SLC6A11: variants seen among roughly 807,000 people sequenced by gnomAD.
SLC6A11 encodes the protein solute carrier family 6 member 11, also known as sodium- and chloride-dependent GABA transporter 3.
A neutral mutation model predicts 74.8 loss-of-function variants in SLC6A11; 25 were observed. That is an observed-to-expected ratio of 0.33 (90% CI 0.24 to 0.47). The LOEUF (loss-of-function observed/expected upper bound fraction) is 0.47, where lower values mean the gene tolerates loss of function less well. Ranked by LOEUF, SLC6A11 falls within the 20% of genes least tolerant of loss-of-function variation. The pLI is 1.00. For synonymous variants in SLC6A11, 330 were observed against 330.2 expected, an observed-to-expected ratio of 1.00 and a Z score of 0.01; for missense variants, 574 against 837.0, an observed-to-expected ratio of 0.69 and a Z score of 3.88.
chr3:10,924,349 A>G (rs1234311609), intron 8 of SLC6A11, among the ~76,000 whole-genome samples: 1 of 152,224 alleles, frequency 6.6e-6, no homozygotes, highest in Non-Finnish European at 1.5e-5. Context: ...AAAAATAATT[A>G]GAGGGAAGAA....
At chr3:10,843,967 G>T (rs1010594649) in intron 4 of SLC6A11, among the ~76,000 whole-genome samples, 1 of 152,190 alleles carries the variant, frequency 6.6e-6, no homozygotes, top group African/African-American at 2.4e-5. Flanking sequence ...CCCTTTCCAC[G>T]CTGTTCTTGT....
At chr3:10,903,778 G>C (rs1022219639) in intron 6 of SLC6A11, among the ~76,000 whole-genome samples, 6 of 152,192 alleles carry the variant, frequency 3.9e-5, no homozygotes, top group Non-Finnish European at 7.3e-5. Context: ...CAAGAGCCAG[G>C]ACGGTACTGA....
At chr3:10,851,335 T>C (rs551111075) in intron 5 of SLC6A11, among the ~76,000 whole-genome samples, 1 of 151,748 alleles carries the variant, frequency 6.6e-6, no homozygotes, top group South Asian at 2.1e-4. Flanking sequence ...TTAAGAAGAA[T>C]CATGCCTTTT....
At chr3:10,900,834 G>A (rs1314743347) in intron 6 of SLC6A11, among the ~76,000 whole-genome samples, 1 of 152,136 alleles carries the variant, frequency 6.6e-6, no homozygotes, top group Non-Finnish European at 1.5e-5. Context: ...TGGGATGTGG[G>A]TTCTGCAGCC....
chr3:10,938,520 T>C lies in SLC6A11; in HGVS notation c.*118T>C. 1.8e-6 allele frequency: 2 copies of C among 1,112,298 alleles called. No individual in the cohort carries two copies. The highest frequency in any genetic ancestry group is 2.5e-6 in the Non-Finnish European group (2 of 796,360). The allele number at this position is 1,112,298 out of a possible 1,614,324, so 68.9% of individuals were successfully genotyped here. Reference sequence around the variant, plus strand: ...CTTGCTTGTTTTGCACAGGATTAATTAACAAGTTAATTTTAAGGTGGCCAC... The same window carrying C: ...CTTGCTTGTTTTGCACAGGATTAATCAACAAGTTAATTTTAAGGTGGCCAC... On this transcript the variant is annotated 3_prime_UTR_variant, in exon 14 of 14. Coordinates refer to ENST00000254488, the MANE Select transcript of SLC6A11 (RefSeq NM_014229.3).
intron 5 of SLC6A11, 150 bp downstream of exon 5, chr3:10,844,496 C>A: frequency 1.1e-6 from 1 of 890,620 alleles, no homozygotes; most frequent in Non-Finnish European, 1.8e-6. Flanking sequence ...GCTCTACCCA[C>A]CCTCACCACT....
chr3:10,824,930 T>C (rs1694187230), intron 4 of SLC6A11: 1 of 152,232 alleles, frequency 6.6e-6, no homozygotes, highest in Non-Finnish European at 1.5e-5. Context: ...ACACCTGTAA[T>C]TCCAGCACTT....
rs564799595 is a variant in SLC6A11 at position 10,869,405 on chromosome 3, A to G, written c.757-5556A>G. Among the ~76,000 whole-genome samples the G allele has an allele frequency of 3.3e-5, 5 of 152,354 alleles. No homozygotes were observed. The East Asian group carries it at 7.7e-4, about 24-fold the overall frequency. On this transcript the variant is annotated intron_variant, in intron 5 of 13. Coordinates refer to ENST00000254488, the MANE Select transcript of SLC6A11 (RefSeq NM_014229.3). ...TCTGAGCCTCGTCTTCCAGACCTTT[A>G]AGATAGAAAGGACAATGAGTTCTCA...
At chr3:10,931,288 A>G (rs1266506138) in intron 10 of SLC6A11, among the ~76,000 whole-genome samples, 1 of 152,222 alleles carries the variant, frequency 6.6e-6, no homozygotes, top group Non-Finnish European at 1.5e-5. Context: ...CAACTGGATT[A>G]AGACACAGGA....
At chr3:10,874,470 C>T (rs1018380752) in intron 5 of SLC6A11, among the ~76,000 whole-genome samples, 3 of 152,110 alleles carry the variant, frequency 2.0e-5, no homozygotes, top group Non-Finnish European at 4.4e-5. Flanking sequence ...CCCTCTGTGG[C>T]CCACTCCTAT....
intron 4 of SLC6A11, among the ~76,000 whole-genome samples, chr3:10,837,278 G>A (rs1694379388): frequency 4.6e-5 from 7 of 152,230 alleles, no homozygotes; most frequent in Admixed American, 3.9e-4. Flanking sequence ...GGAGACTGGT[G>A]TGTGGCCAAA....
At chr3:10,904,872 C>T (rs1194547781) in intron 6 of SLC6A11, among the ~76,000 whole-genome samples, 2 of 152,138 alleles carry the variant, frequency 1.3e-5, no homozygotes, top group African/African-American at 4.8e-5. Context: ...CCTATTTCCA[C>T]TTCTGAAAAA....
intron 6 of SLC6A11, among the ~76,000 whole-genome samples, chr3:10,902,913 T>G (rs1695258345): frequency 6.6e-6 from 1 of 152,222 alleles, no homozygotes; most frequent in Admixed American, 6.5e-5. Flanking sequence ...GGTGTTAGTT[T>G]ATTCATCTAT....
At chr3:10,845,363 T>C (rs1410667847) in intron 5 of SLC6A11, among the ~76,000 whole-genome samples, 2 of 152,132 alleles carry the variant, frequency 1.3e-5, no homozygotes, top group Non-Finnish European at 2.9e-5. Flanking sequence ...AATGGTTTCC[T>C]CATTTTGCTG....
chr3:10,899,926 G>T (rs1695218881), intron 6 of SLC6A11, among the ~76,000 whole-genome samples: 1 of 152,202 alleles, frequency 6.6e-6, no homozygotes. Flanking sequence ...TAAAGCCTGG[G>T]ATGGCTGGGC....
In SLC6A11 at chr3:10,938,870, C is replaced by T. The variant is rs1042383552; in HGVS notation, c.*468C>T. On this transcript the variant is annotated 3_prime_UTR_variant, in exon 14 of 14. Transcript: ENST00000254488. ...AATTTTTCCTTCAAACCTTCCCTTT[C>T]CAAGGGACACTGGGTTTGCAGACAG... The T allele has an allele frequency of 1.3e-5, 2 of 152,462 alleles. No individual in the cohort carries two copies. Among genetic ancestry groups the T allele is most frequent in the Non-Finnish European group, 2.9e-5 (2 of 68,254 alleles). 9.4% of individuals were successfully genotyped at this position (152,462 alleles called of 1,614,324 possible). A position where few individuals can be genotyped will look rare whatever the true frequency, so the allele number is the denominator to read the frequency against.
At position 10,938,264 on chromosome 3, in the gene SLC6A11, G is replaced by C. The variant is rs749038910; in HGVS notation, c.1761G>C (p.Leu587Phe). The C allele has an allele frequency of 6.3e-7, 1 of 1,593,996 alleles. No individual in the cohort carries two copies. The highest frequency in any genetic ancestry group is 1.7e-5 in the Admixed American group (1 of 58,364). The change falls in exon 14 of 14, where the codon TTG becomes TTC. Residue 587 changes from leucine (L) to phenylalanine (F), a missense_variant. Coordinates refer to ENST00000254488, the MANE Select transcript of SLC6A11 (RefSeq NM_014229.3). The part of the protein sequence containing the change: ...EGTLPEKLQK[L>F]TTPSTDLKMR... ...CAACCATCCAGAAACTCCAGAAGTT[G>C]ACGACCCCCAGCACAGATCTGAAAA...
chr3:10,879,640 G>A (rs988677220), intron 6 of SLC6A11, among the ~76,000 whole-genome samples: 2 of 152,102 alleles, frequency 1.3e-5, no homozygotes, highest in African/African-American at 4.8e-5. Context: ...TTTGAATTAT[G>A]TATGTATGTT....
At chr3:10,910,415 T>C (rs556018256) in intron 6 of SLC6A11, among the ~76,000 whole-genome samples, 2 of 152,280 alleles carry the variant, frequency 1.3e-5, no homozygotes, top group Admixed American at 1.3e-4. Context: ...GAGAGGGATG[T>C]GGCCTGCGTG....
Sources: gnomAD v4.1 joint callset for allele counts (sites outside exome capture counted in the v4.1 genomes callset) on GRCh38, gnomAD v4.1.1 for gene constraint, MANE v1.5 for transcripts, NCBI Gene and HGNC (gene_info 2026-07-23, HGNC 2026-07-21) for gene names.